ATR: variants seen among roughly 807,000 people sequenced by gnomAD.
ATR encodes ATR checkpoint kinase.
A neutral mutation model predicts 305.3 loss-of-function variants in ATR; 142 were observed. That is an observed-to-expected ratio of 0.47 (90% CI 0.41 to 0.53). ATR has a LOEUF of 0.53. Among genes scored for constraint, ATR ranks in the 20% least tolerant of loss-of-function variants. The pLI is 0.00. For synonymous variants in ATR, 1,050 were observed against 1,068.1 expected, an observed-to-expected ratio of 0.98 and a Z score of 0.33; for missense variants, 2,135 against 3,133.1, an observed-to-expected ratio of 0.68 and a Z score of 7.60.
At chr3:142,572,832 G>GA (rs980209919) in intron 1 of ATR, among the ~76,000 whole-genome samples, 24 of 148,512 alleles carry the variant, frequency 1.6e-4, no homozygotes, top group South Asian at 2.2e-4. Context: ...GACATTTAAA[G>GA]AAAAAAAAAC....
chr3:142,573,131 A>G (rs2035327809), intron 1 of ATR, among the ~76,000 whole-genome samples: 1 of 152,214 alleles, frequency 6.6e-6, no homozygotes, highest in East Asian at 1.9e-4. Flanking sequence ...AATGTTTTTA[A>G]GTAACATAAA....
intron 36 of ATR, among the ~76,000 whole-genome samples, chr3:142,484,585 C>T (rs1198880412): frequency 6.6e-6 from 1 of 152,130 alleles, no homozygotes; most frequent in Non-Finnish European, 1.5e-5. Context: ...AAAAATGTTT[C>T]CCTGAGTTCT....
chr3:142,472,290 T>G (rs2071303772), intron 36 of ATR: 1 of 152,206 alleles, frequency 6.6e-6, no homozygotes, highest in African/African-American at 2.4e-5. Flanking sequence ...TACCCCATAA[T>G]GGGATTGCTA....
intron 46 of ATR, 46 bp from the exon 47 acceptor site, chr3:142,449,648 G>A (rs752847255): frequency 1.3e-6 from 2 of 1,568,778 alleles, no homozygotes; most frequent in Admixed American, 3.4e-5. Context: ...TAATAATTTG[G>A]AATTACTACC....
chr3:142,481,519 G>A (rs999502915), intron 36 of ATR, among the ~76,000 whole-genome samples: 4 of 152,186 alleles, frequency 2.6e-5, no homozygotes, highest in Non-Finnish European at 5.9e-5. Flanking sequence ...GTACACTTTT[G>A]AAATCATAAA....
chr3:142,497,918 G>GTCAGTGTCTATGAT (rs1307096080), intron 32 of ATR, among the ~76,000 whole-genome samples: 1 of 152,062 alleles, frequency 6.6e-6, no homozygotes, highest in Non-Finnish European at 1.5e-5. Flanking sequence ...TTGTATGATA[G>GTCAGTGTCTATGAT]TCAGTGTCTA....
chr3:142,502,443 CA>C (rs2032021329), intron 30 of ATR, among the ~76,000 whole-genome samples: 1 of 112,426 alleles, frequency 8.9e-6, no homozygotes, highest in Non-Finnish European at 1.7e-5. Flanking sequence ...AAAATGGGAA[CA>C]ATAGACACTG....
intron 21 of ATR, among the ~76,000 whole-genome samples, chr3:142,528,879 ATTTTTTT>A (rs1170239080): frequency 1.3e-4 from 4 of 30,490 alleles, no homozygotes; most frequent in African/African-American, 7.4e-4. Flanking sequence ...ATATATATAT[ATTTTTTT>A]TTTTTTTTTT....
At chr3:142,546,047 C>T (rs751152236) in intron 16 of ATR, among the ~76,000 whole-genome samples, 1 of 152,274 alleles carries the variant, frequency 6.6e-6, no homozygotes, top group East Asian at 1.9e-4. Flanking sequence ...TGCCCTGCTC[C>T]GTACCTGGGA....
chr3:142,544,971 A>G (rs987076796), intron 16 of ATR, among the ~76,000 whole-genome samples: 1 of 152,220 alleles, frequency 6.6e-6, no homozygotes, highest in Non-Finnish European at 1.5e-5. Flanking sequence ...GTATGGTTCT[A>G]GCCTATGTTG....
intron 3 of ATR, 135 bp from the exon 4 acceptor site, chr3:142,563,244 A>T: frequency 1.1e-6 from 1 of 930,460 alleles, no homozygotes; most frequent in Non-Finnish European, 1.6e-6. Flanking sequence ...TTCACAATGG[A>T]AACATAATAG....
rs114369383 is a variant in ATR, at chr3:142,527,202, G to A, written c.3946-3003C>T. Among the ~76,000 whole-genome samples, 363 of 150,622 alleles carry A rather than the reference G, an allele frequency of 2.4e-3. 1 individual carries two copies. The highest frequency in any genetic ancestry group is 4.3e-3 in the Non-Finnish European group (289 of 67,646). ...TTTTTGTTTCATGCTATCTTTTTTC[G>A]GTCTACTGAACACTGTTATATATTG... On this transcript the variant is annotated intron_variant, in intron 21 of 46. Transcript: ENST00000350721.
intron 18 of ATR, among the ~76,000 whole-genome samples, chr3:142,539,580 C>T (rs2033977857): frequency 6.6e-6 from 1 of 152,038 alleles, no homozygotes; most frequent in Admixed American, 6.6e-5. Flanking sequence ...AATTGATTAA[C>T]TAAAGGGAAA....
chr3:142,520,728 A>T (rs1319152546), intron 23 of ATR, among the ~76,000 whole-genome samples: 1 of 152,152 alleles, frequency 6.6e-6, no homozygotes, highest in African/African-American at 2.4e-5. Context: ...AACAAAAAAA[A>T]ACCCAAAAAG....
In ATR at chr3:142,549,576, C is replaced by T. The variant is rs771309709; in HGVS notation, c.3074G>A (p.Arg1025His). ...GAAGTTGTTTATTAAAATCTCTCTA[C>T]GATTGACATTTAATTGTTTTCCTAA... ...RTLGKQLNVN[R>H]REILINNFKY... The change falls in exon 15 of 47, where the codon CGT becomes CAT. Residue 1025 changes from arginine (R) to histidine (H), a missense_variant. Arg to His is a conservative substitution (Grantham distance 29). Coordinates refer to ENST00000350721, the MANE Select transcript of ATR (RefSeq NM_001184.4). 6.6e-5 allele frequency: 106 copies of T among 1,612,330 alleles called. No individual in the cohort carries two copies. The highest frequency in any genetic ancestry group is 8.6e-5 in the Non-Finnish European group (101 of 1,178,924).
rs768261646 is a variant in ATR at position 142,556,539 on chromosome 3, G to C, written c.1922C>G (p.Thr641Ser). ...QAQSRCVFLL[T>S]LFPRRIFLEW... ...AAGGAATATTCTTCTTGGAAACAGAGTCAGAAGAAACACACATCGTGATTG... is the reference window on the plus strand; with the variant it reads ...AAGGAATATTCTTCTTGGAAACAGACTCAGAAGAAACACACATCGTGATTG... Residue 641 changes from threonine to serine, a missense_variant, in exon 9 of 47, where the codon ACT (threonine) becomes AGT (serine). Around this residue, in one of 9 missense-constraint regions of ATR, gnomAD observed 744 missense variants for 873.2 expected, o/e 0.85. Coordinates refer to ENST00000350721, the MANE Select transcript of ATR (RefSeq NM_001184.4). 1 of 1,614,018 alleles carries C rather than the reference G, an allele frequency of 6.2e-7. No homozygotes were observed. The highest frequency in any genetic ancestry group is 8.5e-7 in the Non-Finnish European group (1 of 1,179,960).
intron 21 of ATR, among the ~76,000 whole-genome samples, chr3:142,532,463 C>A (rs930426877): frequency 1.4e-4 from 22 of 152,142 alleles, no homozygotes; most frequent in African/African-American, 5.3e-4. Flanking sequence ...ACATAGAAAT[C>A]ATTTTCTGCC....
chr3:142,509,429 G>A (rs1273376406), intron 27 of ATR, among the ~76,000 whole-genome samples: 1 of 151,730 alleles, frequency 6.6e-6, no homozygotes, highest in African/African-American at 2.4e-5. Flanking sequence ...CTCCCAAAGT[G>A]CTAGGATTAC....
chr3:142,527,414 T>C (rs2033441346), intron 21 of ATR, among the ~76,000 whole-genome samples: 1 of 152,156 alleles, frequency 6.6e-6, no homozygotes, highest in Non-Finnish European at 1.5e-5. Flanking sequence ...TCTTTTAAGC[T>C]TTCTATTTCA....
Sources: allele counts gnomAD v4.1 joint callset (sites outside exome capture counted in the v4.1 genomes callset), GRCh38; gene constraint gnomAD v4.1.1; regional missense constraint gnomAD v4.1.1; transcripts MANE v1.5; gene names NCBI Gene and HGNC (gene_info 2026-07-23, HGNC 2026-07-21).